Variants in GRIA3 observed in about 807,000 individuals in gnomAD.
The protein encoded by GRIA3 is glutamate ionotropic receptor AMPA type subunit 3, also known as glutamate receptor 3.
In GRIA3, 3 loss-of-function variants were observed where a neutral mutation model predicts 63.0. The observed-to-expected ratio is 0.05, with a 90% CI of 0.02 to 0.12. GRIA3 has a LOEUF of 0.12. Among genes scored for constraint, GRIA3 ranks in the 10% least tolerant of loss-of-function variants. The pLI, the probability that GRIA3 is intolerant of heterozygous loss-of-function variation, is 1.00. For synonymous variants in GRIA3, 274 were observed against 257.9 expected (o/e 1.06, Z -0.60); for missense variants, 347 against 700.9 (o/e 0.50, Z 5.70).
intron 2 of GRIA3, among the ~76,000 whole-genome samples, chrX:123,240,498 T>C (rs1030257682): frequency 8.9e-5 from 10 of 111,902 alleles, no homozygotes; most frequent in Non-Finnish European, 1.7e-4. Flanking sequence ...CAAGAGTTGC[T>C]GTCCATCAGG....
intron 3 of GRIA3, among the ~76,000 whole-genome samples, chrX:123,275,214 T>C (rs1031409363): frequency 5.4e-5 from 6 of 112,043 alleles, no homozygotes; most frequent in South Asian, 3.8e-4. Context: ...TGAGCACTTA[T>C]GTGTCAGGCA....
intron 2 of GRIA3, among the ~76,000 whole-genome samples, chrX:123,190,842 TTA>T (rs1368422855): frequency 8.9e-6 from 1 of 112,357 alleles, no homozygotes; most frequent in Non-Finnish European, 1.9e-5. Flanking sequence ...GAGCTTTTTG[TTA>T]TGTTTTTGGC....
intron 3 of GRIA3, among the ~76,000 whole-genome samples, chrX:123,316,580 T>A (rs962323563): frequency 2.4e-4 from 27 of 112,411 alleles, no homozygotes; most frequent in African/African-American, 8.7e-4. Context: ...ATGAGTGTTG[T>A]CAGCACGGCA....
intron 4 of GRIA3, among the ~76,000 whole-genome samples, chrX:123,328,351 C>T (rs1434833822): frequency 2.7e-5 from 3 of 112,323 alleles, no homozygotes; most frequent in Non-Finnish European, 5.6e-5. Flanking sequence ...ACTCTATTCT[C>T]TTTTCATGTC....
intron 3 of GRIA3, among the ~76,000 whole-genome samples, chrX:123,273,022 C>A (rs973121039): frequency 2.7e-5 from 3 of 111,683 alleles, no homozygotes; most frequent in Non-Finnish European, 1.9e-5. Flanking sequence ...TTCCGTACCT[C>A]CTCCCTACAG....
chrX:123,397,172 A>G (rs1262867391), intron 6 of GRIA3, among the ~76,000 whole-genome samples: 1 of 112,096 alleles, frequency 8.9e-6, no homozygotes, highest in African/African-American at 3.2e-5. Flanking sequence ...TTATAAGTAA[A>G]ACCCTTTAAA....
rs780958548 is a variant in GRIA3 at position 123,465,116 on chromosome X, G to A, written c.2324+4G>A. The A allele has an allele frequency of 8.3e-7, 1 of 1,204,252 alleles. No individual in the cohort carries two copies. Reference sequence around the variant, plus strand: ...CCCCTAAAGGCTCAGCATTAAGGTGGGTGGAATAATATAACAATATCCGTG... The same window carrying A: ...CCCCTAAAGGCTCAGCATTAAGGTGAGTGGAATAATATAACAATATCCGTG... On this transcript the variant is annotated splice_donor_region_variant and intron_variant, in intron 13 of 15. Transcript: ENST00000620443.
At chrX:123,212,960 A>T (rs933085920) in intron 2 of GRIA3, among the ~76,000 whole-genome samples, 1 of 111,884 alleles carries the variant, frequency 8.9e-6, no homozygotes, top group African/African-American at 3.3e-5. Context: ...ACCAGGACAC[A>T]CAGCAGGTGA....
intron 3 of GRIA3, among the ~76,000 whole-genome samples, chrX:123,309,425 C>A (rs985513855): frequency 1.8e-5 from 2 of 110,872 alleles, no homozygotes; most frequent in Admixed American, 1.9e-4. Flanking sequence ...TCGTTTCTCT[C>A]TAAAGGTAAT....
intron 2 of GRIA3, among the ~76,000 whole-genome samples, chrX:123,243,388 C>A (rs2044341113): frequency 8.9e-6 from 1 of 111,939 alleles, no homozygotes; most frequent in Non-Finnish European, 1.9e-5. Flanking sequence ...CCTCCTCTAC[C>A]AGATTCATCT....
chrX:123,258,695 T>C (rs1013237120), intron 3 of GRIA3, among the ~76,000 whole-genome samples: 1 of 111,044 alleles, frequency 9.0e-6, no homozygotes, highest in African/African-American at 3.3e-5. Flanking sequence ...GCTTAGATAA[T>C]GAGATAATAG....
chrX:123,308,392 A>G (rs1019029129), intron 3 of GRIA3, among the ~76,000 whole-genome samples: 1 of 111,845 alleles, frequency 8.9e-6, no homozygotes, highest in African/African-American at 3.3e-5. Context: ...AGTAGCAAGT[A>G]GAGCATCTTT....
intron 3 of GRIA3, among the ~76,000 whole-genome samples, chrX:123,259,504 C>T: frequency 8.7e-5 from 1 of 11,516 alleles, no homozygotes; most frequent in African/African-American, 1.8e-4. Context: ...CACACACACT[C>T]ATGCGCGCGC....
At chrX:123,360,780 A>T (rs1212726625) in intron 5 of GRIA3, among the ~76,000 whole-genome samples, 3 of 103,686 alleles carry the variant, frequency 2.9e-5, no homozygotes, top group Non-Finnish European at 3.9e-5. Context: ...GTATCTTAAC[A>T]GGCATCAATT....
chrX:123,195,683 C>T (rs1185466604), intron 2 of GRIA3, among the ~76,000 whole-genome samples: 1 of 111,516 alleles, frequency 9.0e-6, no homozygotes, highest in Non-Finnish European at 1.9e-5. Flanking sequence ...GTGGAAAGTA[C>T]ACATTTCTGA....
chrX:123,319,847 A>T (rs1378351342), intron 3 of GRIA3, among the ~76,000 whole-genome samples: 3 of 109,897 alleles, frequency 2.7e-5, no homozygotes, highest in Non-Finnish European at 5.7e-5. Context: ...CTGCTTTAAT[A>T]TGCCACATTT....
intron 2 of GRIA3, among the ~76,000 whole-genome samples, chrX:123,249,877 T>C (rs1728342417): frequency 9.0e-6 from 1 of 111,595 alleles, no homozygotes; most frequent in Admixed American, 9.5e-5. Context: ...CACATTTTTA[T>C]AAGTTCTTCT....
intron 11 of GRIA3, among the ~76,000 whole-genome samples, chrX:123,420,320 TAGTC>T (rs2045557614): frequency 8.9e-6 from 1 of 112,011 alleles, no homozygotes; most frequent in African/African-American, 3.2e-5. Context: ...CTTTTTAAAA[TAGTC>T]TGTATGGGGT....
intron 2 of GRIA3, among the ~76,000 whole-genome samples, chrX:123,240,345 T>C (rs751442688): frequency 8.9e-6 from 1 of 112,122 alleles, no homozygotes; most frequent in African/African-American, 3.2e-5. Context: ...TGCCTTTTTT[T>C]TTCCTTGATG....
Sources: gnomAD v4.1 joint callset for allele counts (sites outside exome capture counted in the v4.1 genomes callset) on GRCh38, gnomAD v4.1.1 for gene constraint, MANE v1.5 for transcripts, NCBI Gene and HGNC (gene_info 2026-07-23, HGNC 2026-07-21) for gene names.